Variants in GRID2 observed in about 807,000 individuals in gnomAD.
GRID2 encodes glutamate ionotropic receptor delta type subunit 2, also known as glutamate receptor ionotropic, delta-2.
A neutral mutation model predicts 114.8 loss-of-function variants in GRID2; 33 were observed. That is an observed-to-expected ratio of 0.29 (90% CI 0.22 to 0.38). The LOEUF (loss-of-function observed/expected upper bound fraction) is 0.38, where lower values mean the gene tolerates loss of function less well. GRID2 is among the 10% of genes least tolerant of loss of function. The probability of loss-of-function intolerance (pLI) is 1.00; values close to 1 mark genes in which losing one functional copy is unlikely to be tolerated. For synonymous variants in GRID2, 505 were observed against 449.9 expected, an observed-to-expected ratio of 1.12 and a Z score of -1.55; for missense variants, 1,184 against 1,257.7, an observed-to-expected ratio of 0.94 and a Z score of 0.89.
At chr4:93,264,712 A>ATATATG (rs1384680337) in intron 8 of GRID2, among the ~76,000 whole-genome samples, 1 of 139,652 alleles carries the variant, frequency 7.2e-6, no homozygotes, top group Non-Finnish European at 1.5e-5. Flanking sequence ...TTTGAATGAT[A>ATATATG]TATATATATA....
At chr4:93,533,258 CTT>C (rs1731649972) in intron 13 of GRID2, among the ~76,000 whole-genome samples, 1 of 21,166 alleles carries the variant, frequency 4.7e-5, no homozygotes, top group Non-Finnish European at 1.3e-4. Context: ...TCCTTCCTTC[CTT>C]CCTTCCTTCC....
At chr4:93,402,947 G>A (rs181121861) in intron 9 of GRID2, among the ~76,000 whole-genome samples, 74 of 152,080 alleles carry the variant, frequency 4.9e-4, no homozygotes, top group African/African-American at 1.7e-3. Flanking sequence ...AATTTTCATC[G>A]CTACCTCAAA....
At chr4:93,608,126 A>G (rs918510339) in intron 13 of GRID2, among the ~76,000 whole-genome samples, 2 of 149,542 alleles carry the variant, frequency 1.3e-5, no homozygotes, top group African/African-American at 4.9e-5. Flanking sequence ...ATATATGTGT[A>G]TATATATACG....
intron 2 of GRID2, among the ~76,000 whole-genome samples, chr4:93,061,144 A>G (rs1321752729): frequency 1.3e-5 from 2 of 149,160 alleles, no homozygotes; most frequent in Non-Finnish European, 3.0e-5. Context: ...ATAAATAAAT[A>G]GCCATTGTAG....
chr4:92,816,837 G>A lies in GRID2; in HGVS notation c.244+226551G>A, dbSNP rs112947202. ...ACAAAGCTCTGCTGTATTGAAAATTGAGGAGAAATAACTTTACAATAAATA... is the reference window on the plus strand; with the variant it reads ...ACAAAGCTCTGCTGTATTGAAAATTAAGGAGAAATAACTTTACAATAAATA... On this transcript the variant is annotated intron_variant, in intron 2 of 15. Transcript: ENST00000282020. 1.3e-3 allele frequency among the ~76,000 whole-genome samples: 203 copies of A among 152,186 alleles called. 1 individual carries two copies. Among genetic ancestry groups the A allele is most frequent in the African/African-American group, 4.5e-3 (186 of 41,508 alleles).
chr4:92,865,555 T>C (rs1744798264), intron 2 of GRID2, among the ~76,000 whole-genome samples: 1 of 152,204 alleles, frequency 6.6e-6, no homozygotes, highest in Non-Finnish European at 1.5e-5. Context: ...TCATTAGACA[T>C]ACATATCTGA....
intron 1 of GRID2, among the ~76,000 whole-genome samples, chr4:92,374,881 C>T (rs1729282701): frequency 6.6e-6 from 1 of 152,034 alleles, no homozygotes. Context: ...GTGGTAGGTT[C>T]AGATCTGTGG....
rs1390879067 is a variant in GRID2 at position 92,891,470 on chromosome 4, T to A, written c.245-193525T>A. ...GAACCACAAGGTTGTTTATCTGTTCTCTAAATAAGAAGTGTGAAGTGTTTT... is the reference window on the plus strand; with the variant it reads ...GAACCACAAGGTTGTTTATCTGTTCACTAAATAAGAAGTGTGAAGTGTTTT... On this transcript the variant is annotated intron_variant, in intron 2 of 15. Coordinates refer to ENST00000282020, the MANE Select transcript of GRID2 (RefSeq NM_001510.4). Among the ~76,000 whole-genome samples, 4 of 152,192 alleles carry A rather than the reference T, an allele frequency of 2.6e-5. No homozygotes were observed. In the East Asian group the frequency reaches 7.7e-4, roughly 29 times the overall value.
At chr4:92,469,252 G>T (rs567124088) in intron 1 of GRID2, among the ~76,000 whole-genome samples, 1 of 151,848 alleles carries the variant, frequency 6.6e-6, no homozygotes, top group Non-Finnish European at 1.5e-5. Context: ...TTTGTTTTTC[G>T]TTAAAAGATA....
chr4:92,443,682 G>A (rs190758591), intron 1 of GRID2, among the ~76,000 whole-genome samples: 131 of 152,180 alleles, frequency 8.6e-4, no homozygotes, highest in African/African-American at 2.4e-3. Context: ...CCCTGTGCCC[G>A]GAAAAGCTGA....
chr4:93,776,192 T>A (rs1734366455), downstream of GRID2, among the ~76,000 whole-genome samples: 1 of 152,164 alleles, frequency 6.6e-6, no homozygotes, highest in Non-Finnish European at 1.5e-5. Flanking sequence ...TCCAGAGTAC[T>A]TTTCTTTCAA....
At chr4:92,765,774 T>C (rs547080823) in intron 2 of GRID2, among the ~76,000 whole-genome samples, 1 of 152,280 alleles carries the variant, frequency 6.6e-6, no homozygotes, top group South Asian at 2.1e-4. Flanking sequence ...CCTCACTTTA[T>C]CCACCTCAAC....
chr4:92,946,385 C>T (rs1330813360), intron 2 of GRID2, among the ~76,000 whole-genome samples: 1 of 152,036 alleles, frequency 6.6e-6, no homozygotes, highest in East Asian at 1.9e-4. Context: ...TATGTTTATG[C>T]AGATTTTTCA....
At chr4:92,514,019 G>GGAACT (rs1724381142) in intron 1 of GRID2, among the ~76,000 whole-genome samples, 1 of 151,772 alleles carries the variant, frequency 6.6e-6, no homozygotes, top group South Asian at 2.1e-4. Flanking sequence ...TTGAAACTTT[G>GGAACT]GAACTGTGGG....
At chr4:93,356,221 T>C (rs1233690544) in intron 8 of GRID2, among the ~76,000 whole-genome samples, 1 of 152,080 alleles carries the variant, frequency 6.6e-6, no homozygotes, top group Non-Finnish European at 1.5e-5. Context: ...TCACAAATTT[T>C]ACATTTTTAA....
chr4:93,093,454 G>A (rs1730947256), intron 3 of GRID2, among the ~76,000 whole-genome samples: 1 of 152,014 alleles, frequency 6.6e-6, no homozygotes, highest in Admixed American at 6.6e-5. Context: ...TCTGGGGAGA[G>A]AAGAAGCATG....
intron 1 of GRID2, among the ~76,000 whole-genome samples, chr4:92,533,576 C>T (rs1303252159): frequency 6.6e-6 from 1 of 152,074 alleles, no homozygotes; most frequent in Admixed American, 6.6e-5. Context: ...GTCACTCCTA[C>T]CCCTATGAGA....
chr4:92,311,672 T>A (rs1368188489), intron 1 of GRID2, among the ~76,000 whole-genome samples: 2 of 152,086 alleles, frequency 1.3e-5, no homozygotes, highest in African/African-American at 2.4e-5. Context: ...AATAAGATAT[T>A]TGCTTCATTA....
chr4:92,666,650 G>GGTTTTTTTTTTTTT (rs1732792354), intron 2 of GRID2, among the ~76,000 whole-genome samples: 1 of 68,594 alleles, frequency 1.5e-5, no homozygotes, highest in Non-Finnish European at 2.8e-5. Context: ...CTTAAGGGTT[G>GGTTTTTTTTTTTTT]TTTTTTTTTT....
Sources: gnomAD v4.1 joint callset for allele counts (sites outside exome capture counted in the v4.1 genomes callset) on GRCh38, gnomAD v4.1.1 for gene constraint, MANE v1.5 for transcripts, NCBI Gene and HGNC (gene_info 2026-07-23, HGNC 2026-07-21) for gene names.